VEGFA: variants seen among roughly 807,000 people sequenced by gnomAD.
VEGFA encodes vascular endothelial growth factor A, long form.
In VEGFA, 20 loss-of-function variants were observed where a neutral mutation model predicts 49.7. The ratio of observed to expected loss-of-function variants is 0.40; its 90% CI spans 0.28 to 0.58. The LOEUF (loss-of-function observed/expected upper bound fraction) is 0.58. Among genes scored for constraint, VEGFA ranks in the 20% least tolerant of loss-of-function variants. The probability of loss-of-function intolerance (pLI) is 0.40; values close to 1 mark genes in which losing one functional copy is unlikely to be tolerated. For missense variants in VEGFA, 505 were observed against 553.5 expected (o/e 0.91, Z 0.88); for synonymous variants, 219 against 223.4 (o/e 0.98, Z 0.18).
Position 43,780,814 on chromosome 6 carries a change from G to A in VEGFA, c.1034+11G>A, listed in dbSNP as rs768707441. On this transcript the variant is annotated intron_variant, in intron 6 of 7. Transcript: ENST00000672860. ...TAAGTCCTGGAGCGTGTACGTTGGTGCCCGCTGCTGTCTAATGCCCTGGAG... is the reference window on the plus strand; with the variant it reads ...TAAGTCCTGGAGCGTGTACGTTGGTACCCGCTGCTGTCTAATGCCCTGGAG... 87 of 1,613,836 alleles carry A rather than the reference G, an allele frequency of 5.4e-5. 1 individual carries two copies. The highest frequency in any genetic ancestry group is 3.3e-4 in the Admixed American group (20 of 59,994).
chr6:43,774,379 G>A lies in VEGFA; in HGVS notation c.645G>A (p.Gln215=). The change falls in exon 2 of 8, where the codon CAG becomes CAA. Residue 215 remains glutamine (Q), a synonymous_variant. Coordinates refer to ENST00000672860, the MANE Select transcript of VEGFA (RefSeq NM_003376.6). The stretch of plus-strand genomic sequence containing the variant: ...CACCCATGGCAGAAGGAGGAGGGCA[G>A]AATCATCACGAAGGTGAGTCCCCCT... The A allele has an allele frequency of 6.2e-7, 1 of 1,614,228 alleles. No individual in the cohort carries two copies. The highest frequency in any genetic ancestry group is 1.1e-5 in the South Asian group (1 of 91,088).
At chr6:43,779,906 TCCC>T in intron 5 of VEGFA, 1 of 329,378 alleles carries the variant, frequency 3.0e-6, no homozygotes, top group Non-Finnish European at 6.2e-6. Context: ...CCTTCCTGTT[TCCC>T]CAAATGACTG....
rs578135072 is a variant in VEGFA at position 43,784,945 on chromosome 6, A to G, written c.*383A>G. ...TTATATATATATATATTATATATATATAAAAATAAATATCTCTATTTTATA... is the reference window on the plus strand; with the variant it reads ...TTATATATATATATATTATATATATGTAAAAATAAATATCTCTATTTTATA... On this transcript the variant is annotated 3_prime_UTR_variant, in exon 8 of 8. Transcript: ENST00000672860. 5.6e-6 allele frequency: 1 copy of G among 178,830 alleles called. No individual in the cohort carries two copies. The highest frequency in any genetic ancestry group is 2.0e-4 in the South Asian group (1 of 5,044). 11.1% of individuals were successfully genotyped at this position (178,830 alleles called of 1,614,324 possible). A position where few individuals can be genotyped will look rare whatever the true frequency, so the allele number is the denominator to read the frequency against.
intron 2 of VEGFA, chr6:43,774,842 T>C (rs833069): frequency 0.37 from 77,903 of 209,434 alleles, 16,045 homozygotes; most frequent in African/African-American, 0.58. Flanking sequence ...ATGGGATCTC[T>C]CCTCCCTTCC....
intron 1 of VEGFA, 141 bp from the exon 2 acceptor site, chr6:43,774,200 T>C (rs1764545572): frequency 2.4e-6 from 2 of 841,946 alleles, no homozygotes; most frequent in Admixed American, 4.0e-5. Flanking sequence ...CCCCCGGTTG[T>C]GTCCTGTTCG....
chr6:43,771,336 G>A, intron 1 of VEGFA, 24 bp downstream of exon 1: 1 of 1,588,182 alleles, frequency 6.3e-7, no homozygotes. Flanking sequence ...CCCTGCTGGC[G>A]CCGCGGGCCG....
At position 43,777,741 on chromosome 6, in the gene VEGFA, C is replaced by T. The variant is rs765689995; in HGVS notation, c.855+76C>T. 16 of 1,449,194 alleles carry T rather than the reference C, an allele frequency of 1.1e-5. No individual in the cohort carries two copies. The East Asian group carries it at 1.3e-4, about 12-fold the overall frequency. 89.8% of individuals were successfully genotyped at this position (1,449,194 alleles called of 1,614,324 possible). A position where few individuals can be genotyped will look rare whatever the true frequency, so the allele number is the denominator to read the frequency against. On this transcript the variant is annotated intron_variant, in intron 3 of 7. Transcript: ENST00000672860. This position sits in a 1 kb window ranked among gnomAD's most constrained non-coding sequence, Gnocchi z 4.3. ...ACTTTGGGAACAGGTGGTCCCAGGT[C>T]GTTTCCTGGCTAGATTTGCCTTGTC... is the stretch of plus-strand genomic sequence containing the variant.
chr6:43,779,207 G>A (rs1434311431), intron 5 of VEGFA: 2 of 559,234 alleles, frequency 3.6e-6, no homozygotes, highest in South Asian at 2.1e-5. Flanking sequence ...TGTGTCAGGG[G>A]GCACTGTGGA....
intron 4 of VEGFA, 104 bp downstream of exon 4, chr6:43,778,640 G>A (rs192758151): frequency 1.4e-5 from 18 of 1,261,972 alleles, no homozygotes; most frequent in African/African-American, 1.3e-4. Context: ...CCAGCTTCCC[G>A]CTATGTGACC....
chr6:43,772,046 G>T (rs1233368451), intron 1 of VEGFA: 48 of 985,406 alleles, frequency 4.9e-5, no homozygotes, highest in Non-Finnish European at 5.8e-5. Flanking sequence ...GGAGCCCAGA[G>T]TGGCGAGCGG....
At position 43,778,511 on chromosome 6, in the gene VEGFA, C is replaced by T. The variant is rs780204901; in HGVS notation, c.907C>T (p.Leu303=). 2.5e-6 allele frequency: 4 copies of T among 1,614,172 alleles called. No individual in the cohort carries two copies. The South Asian group carries it at 4.4e-5, about 18-fold the overall frequency. Residue 303 remains leucine, a synonymous_variant, in exon 4 of 8, where the codon CTA becomes TTA. Coordinates refer to ENST00000672860, the MANE Select transcript of VEGFA (RefSeq NM_003376.6). Reference sequence around the variant, plus strand: ...CCAGCACATAGGAGAGATGAGCTTCCTACAGCACAACAAATGTGAATGCAG... The same window carrying T: ...CCAGCACATAGGAGAGATGAGCTTCTTACAGCACAACAAATGTGAATGCAG...
chr6:43,782,242 C>A, intron 7 of VEGFA, 155 bp downstream of exon 7: 1 of 1,161,904 alleles, frequency 8.6e-7, no homozygotes, highest in Non-Finnish European at 1.2e-6. Flanking sequence ...GTGACTGCTG[C>A]CTTCTCTGCT....
At chr6:43,774,632 A>G (rs1206145349) in intron 2 of VEGFA, 5 of 589,060 alleles carry the variant, frequency 8.5e-6, no homozygotes, top group Admixed American at 2.9e-5. Context: ...TTCCAGTAAA[A>G]TTTTATTTGG....
intron 2 of VEGFA, chr6:43,776,068 G>A (rs1266691661): frequency 6.6e-6 from 1 of 152,228 alleles, no homozygotes; most frequent in Non-Finnish European, 1.5e-5. Context: ...AGATGCTTTG[G>A]TGAAGTTCTA....
chr6:43,777,214 G>A lies in VEGFA; in HGVS notation c.659-255G>A, dbSNP rs1765721718. 1.8e-6 allele frequency: 1 copy of A among 563,390 alleles called. No homozygotes were observed. The highest frequency in any genetic ancestry group is 1.9e-5 in the African/African-American group (1 of 53,766). 34.9% of individuals were successfully genotyped at this position (563,390 alleles called of 1,614,324 possible). Reference sequence around the variant, plus strand: ...CTGTCACAGTGAGGTGGCGGGATCAGATGTGGCAGGCCATGTCCCTTGGAA... The same window carrying A: ...CTGTCACAGTGAGGTGGCGGGATCAAATGTGGCAGGCCATGTCCCTTGGAA... On this transcript the variant is annotated intron_variant, in intron 2 of 7. Coordinates refer to ENST00000672860, the MANE Select transcript of VEGFA (RefSeq NM_003376.6). The surrounding 1 kb of genome is among the most constrained non-coding windows in gnomAD (Gnocchi z 4.3).
At chr6:43,778,780 T>C (rs535293201) in intron 4 of VEGFA, 109 bp from the exon 5 acceptor site, 62 of 1,270,380 alleles carry the variant, frequency 4.9e-5, no homozygotes, top group Admixed American at 3.6e-4. Context: ...TGTTGCTCCA[T>C]AATAAATGCT....
At chr6:43,779,910 C>A in intron 5 of VEGFA, 1 of 333,616 alleles carries the variant, frequency 3.0e-6, no homozygotes, top group South Asian at 2.3e-5. Context: ...CCTGTTTCCC[C>A]AAATGACTGC....
intron 6 of VEGFA, 142 bp downstream of exon 6, chr6:43,780,945 A>C (rs1767455844): frequency 6.3e-7 from 1 of 1,591,812 alleles, no homozygotes; most frequent in South Asian, 1.1e-5. Flanking sequence ...TCTCTCTCTC[A>C]CTCTCTCACT....
Position 43,773,433 on chromosome 6 carries a change from G to A in VEGFA, c.607-908G>A, listed in dbSNP as rs879924082. ...ATGTCTTGGCGTGTTGACCTTCACA[G>A]CTTCTGGCGAGGGGAGGAATGATCT... On this transcript the variant is annotated intron_variant, in intron 1 of 7. Transcript: ENST00000672860. This position sits in a 1 kb window ranked among gnomAD's most constrained non-coding sequence, Gnocchi z 5.6. 1 of 152,284 alleles carries A rather than the reference G, an allele frequency of 6.6e-6. No individual in the cohort carries two copies. The highest frequency in any genetic ancestry group is 1.5e-5 in the Non-Finnish European group (1 of 68,092). 9.4% of individuals were successfully genotyped at this position (152,284 alleles called of 1,614,324 possible). A position where few individuals can be genotyped will look rare whatever the true frequency, so the allele number is the denominator to read the frequency against.
Sources: allele counts gnomAD v4.1 joint callset, GRCh38; gene constraint gnomAD v4.1.1; non-coding constraint Gnocchi (gnomAD v3.1); transcripts MANE v1.5; gene names NCBI Gene and HGNC (gene_info 2026-07-23, HGNC 2026-07-21).